CAST: variants seen among roughly 807,000 people sequenced by gnomAD.
CAST encodes MIR583 host.
In CAST, 76 loss-of-function variants were observed where a neutral mutation model predicts 119.6. The observed-to-expected ratio is 0.64, with a 90% CI of 0.53 to 0.77. The LOEUF (loss-of-function observed/expected upper bound fraction) is 0.77. Among genes scored for constraint, CAST ranks in the 30% least tolerant of loss-of-function variants. CAST has a pLI of 0.00. For missense variants in CAST, 953 were observed against 946.5 expected (o/e 1.01, Z -0.09); for synonymous variants, 319 against 331.6 (o/e 0.96, Z 0.41).
At chr5:95,992,238 G>C in the CAST span, among the ~76,000 whole-genome samples, 1 of 152,148 alleles carries the variant, frequency 6.6e-6, no homozygotes, top group Non-Finnish European at 1.5e-5. Flanking sequence ...AAAACTCCGT[G>C]TTATTAAAAT....
upstream of CAST, among the ~76,000 whole-genome samples, chr5:96,528,181 G>C (rs1349797072): frequency 6.6e-6 from 1 of 152,100 alleles, no homozygotes; most frequent in Non-Finnish European, 1.5e-5. Context: ...GCTAGGAATT[G>C]GCAGAGCTAG....
intron 20 of CAST, among the ~76,000 whole-genome samples, chr5:96,751,509 C>T (rs1765036699): frequency 6.6e-6 from 1 of 152,090 alleles, no homozygotes; most frequent in South Asian, 2.1e-4. Context: ...AAGATATGGC[C>T]CCTGCTCTCA....
chr5:96,211,061 T>C, the CAST span, among the ~76,000 whole-genome samples: 1 of 151,988 alleles, frequency 6.6e-6, no homozygotes, highest in Non-Finnish European at 1.5e-5. Context: ...TTTAGGAGAT[T>C]TCTTGTAGAT....
chr5:96,649,548 T>C (rs1022388175), intron 1 of CAST, among the ~76,000 whole-genome samples: 4 of 152,216 alleles, frequency 2.6e-5, no homozygotes, highest in Non-Finnish European at 5.9e-5. Flanking sequence ...TCTGCCACCT[T>C]GGATCAAGCC....
chr5:96,455,249 T>C, the CAST span, among the ~76,000 whole-genome samples: 2 of 152,202 alleles, frequency 1.3e-5, no homozygotes, highest in Non-Finnish European at 2.9e-5. Flanking sequence ...AAAAGCTGTC[T>C]CCAGCTTCTG....
At chr5:96,015,965 G>A in the CAST span, among the ~76,000 whole-genome samples, 3 of 152,098 alleles carry the variant, frequency 2.0e-5, no homozygotes, top group Non-Finnish European at 4.4e-5. Flanking sequence ...TACTGTGAGG[G>A]TATTTTGTAG....
intron 28 of CAST, among the ~76,000 whole-genome samples, 194 bp downstream of exon 28, chr5:96,767,676 CTG>C (rs759726123): frequency 6.6e-6 from 1 of 152,134 alleles, no homozygotes; most frequent in African/African-American, 2.4e-5. Flanking sequence ...GGGTGGAAAA[CTG>C]AGGCTCAGAG....
chr5:96,508,018 A>ATTATTC, the CAST span, among the ~76,000 whole-genome samples: 1 of 102,934 alleles, frequency 9.7e-6, no homozygotes, highest in South Asian at 3.2e-4. Context: ...TATTATTATT[A>ATTATTC]TTATTATTAT....
Position 96,720,897 on chromosome 5 carries a change from T to C in CAST, c.211-1742T>C, listed in dbSNP as rs564369401. ...GTTTGGTTTCTGTGTTGGTGTTGCA[T>C]GGTTGAGGGGAATCATTAAAGGAAT... On this transcript the variant is annotated intron_variant, in intron 3 of 31. Coordinates refer to ENST00000675179, the MANE Select transcript of CAST (RefSeq NM_001750.7). Among the ~76,000 whole-genome samples the C allele has an allele frequency of 5.3e-5, 8 of 152,284 alleles. No homozygotes were observed. The South Asian group carries it at 1.7e-3, about 32-fold the overall frequency.
At position 96,676,725 on chromosome 5, in the gene CAST, A is replaced by G. The variant is rs558345761; in HGVS notation, c.138+1124A>G. Among the ~76,000 whole-genome samples the G allele has an allele frequency of 3.9e-3, 587 of 151,404 alleles. 11 individuals carry two copies. The highest frequency in any genetic ancestry group is 0.033 in the South Asian group (159 of 4,814). ...AAAAGATAAATTTCCATTAAAAAAA[A>G]AAACCACAAATTTTTCTTTTTCCCA... On this transcript the variant is annotated intron_variant, in intron 2 of 31. Coordinates refer to ENST00000675179, the MANE Select transcript of CAST (RefSeq NM_001750.7).
At chr5:96,434,628 G>GTTTT in the CAST span, among the ~76,000 whole-genome samples, 3 of 149,236 alleles carry the variant, frequency 2.0e-5, no homozygotes, top group Admixed American at 1.3e-4. Flanking sequence ...TGTTGTTGTT[G>GTTTT]TTGTTGTTTT....
chr5:96,277,600 G>A, the CAST span, among the ~76,000 whole-genome samples: 5 of 152,140 alleles, frequency 3.3e-5, no homozygotes, highest in Admixed American at 6.5e-5. Flanking sequence ...CAAAGGTAGT[G>A]GGTGGGTGGG....
intron 9 of CAST, among the ~76,000 whole-genome samples, chr5:96,735,931 C>T (rs1761538081): frequency 1.3e-5 from 2 of 152,310 alleles, no homozygotes; most frequent in Middle Eastern, 3.4e-3. Context: ...CTGTCCCTTA[C>T]TGTGTAACCT....
the CAST span, among the ~76,000 whole-genome samples, chr5:96,035,170 T>TA: frequency 7.1e-6 from 1 of 141,626 alleles, no homozygotes; most frequent in African/African-American, 2.6e-5. Context: ...AAAATATATA[T>TA]TTTGAAGTAT....
At chr5:96,715,207 A>T (rs1476255203) in intron 3 of CAST, 1 of 152,152 alleles carries the variant, frequency 6.6e-6, no homozygotes, top group African/African-American at 2.4e-5. Flanking sequence ...AGTTATCTTC[A>T]GTTTCTCCCT....
the CAST span, among the ~76,000 whole-genome samples, chr5:96,433,680 G>A: frequency 5.3e-5 from 8 of 152,268 alleles, no homozygotes; most frequent in South Asian, 1.7e-3. Context: ...AGGCTCTTAG[G>A]TCTTTCAAAG....
chr5:96,418,036 G>A, the CAST span, among the ~76,000 whole-genome samples: 1 of 152,160 alleles, frequency 6.6e-6, no homozygotes, highest in Non-Finnish European at 1.5e-5. Context: ...ACATCCCCAG[G>A]TTTGTGCCTT....
chr5:96,565,141 T>C (rs898995623), intron 1 of CAST, among the ~76,000 whole-genome samples: 3 of 150,666 alleles, frequency 2.0e-5, no homozygotes, highest in Non-Finnish European at 3.0e-5. Context: ...TTAAGTGTAA[T>C]GGAAAATTTA....
the CAST span, among the ~76,000 whole-genome samples, chr5:96,067,487 T>C: frequency 6.6e-6 from 1 of 152,186 alleles, no homozygotes; most frequent in Admixed American, 6.5e-5. Flanking sequence ...ATAGAGATGG[T>C]CTTAATTGCT....
Sources: allele counts gnomAD v4.1 joint callset (sites outside exome capture counted in the v4.1 genomes callset), GRCh38; gene constraint gnomAD v4.1.1; transcripts MANE v1.5; gene names NCBI Gene and HGNC (gene_info 2026-07-23, HGNC 2026-07-21).